The following PALS2 variants were observed in gnomAD, a reference collection of about 807,000 sequenced individuals.
PALS2 encodes the protein protein PALS2.
A neutral mutation model predicts 61.6 loss-of-function variants in PALS2; 27 were observed. The observed-to-expected ratio is 0.44, with a 90% CI of 0.32 to 0.60. The LOEUF (loss-of-function observed/expected upper bound fraction) is 0.60. Ranked by LOEUF, PALS2 falls within the 20% of genes least tolerant of loss-of-function variation. The pLI, the probability that PALS2 is intolerant of heterozygous loss-of-function variation, is 0.05. For synonymous variants in PALS2, 236 were observed against 218.6 expected (o/e 1.08, Z -0.70); for missense variants, 554 against 639.4 (o/e 0.87, Z 1.44).
At chr7:24,583,909 G>A (rs1373568737) in intron 1 of PALS2, among the ~76,000 whole-genome samples, 1 of 151,604 alleles carries the variant, frequency 6.6e-6, no homozygotes, top group East Asian at 1.9e-4. Context: ...AGAATATGCG[G>A]TGTTTGGTTT....
chr7:24,617,569 A>G (rs1426408422), intron 1 of PALS2, among the ~76,000 whole-genome samples: 1 of 152,148 alleles, frequency 6.6e-6, no homozygotes, highest in Non-Finnish European at 1.5e-5. Flanking sequence ...GGGTGCATTC[A>G]CTTTGTTTTT....
chr7:24,671,692 T>TC (rs1195643099), intron 9 of PALS2, among the ~76,000 whole-genome samples: 1 of 152,176 alleles, frequency 6.6e-6, no homozygotes, highest in African/African-American at 2.4e-5. Context: ...GATTATATGA[T>TC]CAATTTTGTG....
At chr7:24,637,385 TC>T (rs1785290527) in intron 2 of PALS2, among the ~76,000 whole-genome samples, 1 of 151,354 alleles carries the variant, frequency 6.6e-6, no homozygotes, top group East Asian at 1.9e-4. Flanking sequence ...CTCCATTCTC[TC>T]TGTCTCATTT....
At chr7:24,674,085 A>G (rs990471128) in intron 9 of PALS2, among the ~76,000 whole-genome samples, 3 of 152,134 alleles carry the variant, frequency 2.0e-5, no homozygotes, top group African/African-American at 4.8e-5. Context: ...CGAATATGCA[A>G]CTATGCAACA....
At chr7:24,577,418 G>A (rs1782679845) in intron 1 of PALS2, among the ~76,000 whole-genome samples, 1 of 151,656 alleles carries the variant, frequency 6.6e-6, no homozygotes, top group Admixed American at 6.6e-5. Flanking sequence ...CTGATACAAG[G>A]CAAAATGAGA....
At chr7:24,591,821 A>G (rs1273781963) in intron 1 of PALS2, among the ~76,000 whole-genome samples, 1 of 152,096 alleles carries the variant, frequency 6.6e-6, no homozygotes, top group Non-Finnish European at 1.5e-5. Context: ...CATTGTACTC[A>G]TAGCCAAGCT....
chr7:24,657,824 T>C (rs1786500650), intron 5 of PALS2, among the ~76,000 whole-genome samples: 1 of 152,230 alleles, frequency 6.6e-6, no homozygotes, highest in African/African-American at 2.4e-5. Flanking sequence ...TTTACAGTTC[T>C]ATCTATGCTG....
At chr7:24,630,720 T>C (rs1469761343) in intron 2 of PALS2, among the ~76,000 whole-genome samples, 1 of 152,152 alleles carries the variant, frequency 6.6e-6, no homozygotes, top group Non-Finnish European at 1.5e-5. Context: ...TGGAAGCCAA[T>C]GCTCATTTAC....
chr7:24,684,916 T>A (rs2128036379), intron 11 of PALS2, among the ~76,000 whole-genome samples: 1 of 152,290 alleles, frequency 6.6e-6, no homozygotes, highest in South Asian at 2.1e-4. Flanking sequence ...AGGCTTTTAT[T>A]GTTCTTAGGA....
intron 9 of PALS2, among the ~76,000 whole-genome samples, chr7:24,674,978 G>A (rs1787486834): frequency 6.6e-6 from 1 of 152,138 alleles, no homozygotes; most frequent in Non-Finnish European, 1.5e-5. Flanking sequence ...ATCACATTAT[G>A]TAGTTGCGCA....
intron 1 of PALS2, among the ~76,000 whole-genome samples, chr7:24,594,076 T>C (rs1012439243): frequency 1.3e-5 from 2 of 152,166 alleles, no homozygotes; most frequent in African/African-American, 4.8e-5. Flanking sequence ...GGGTAACTTC[T>C]TGCAGCTTCT....
At chr7:24,595,408 A>G (rs571665109) in intron 1 of PALS2, among the ~76,000 whole-genome samples, 1 of 142,156 alleles carries the variant, frequency 7.0e-6, no homozygotes, top group Non-Finnish European at 1.5e-5. Flanking sequence ...ATATATAAAA[A>G]ATATATATAA....
At position 24,688,747 on chromosome 7, in the gene PALS2, G is replaced by T. The variant is rs1335330805; in HGVS notation, c.*1133G>T. The stretch of plus-strand genomic sequence containing the variant: ...ATACATTATATAATATGTATATTAT[G>T]TATTATATAATATATATAAAATGTT... On this transcript the variant is annotated 3_prime_UTR_variant, in exon 12 of 12. Transcript: ENST00000222644. The T allele has an allele frequency of 2.0e-5, 3 of 148,892 alleles. No homozygotes were observed. The highest frequency in any genetic ancestry group is 4.4e-5 in the Non-Finnish European group (3 of 67,416). 9.2% of individuals were successfully genotyped at this position (148,892 alleles called of 1,614,324 possible).
intron 5 of PALS2, among the ~76,000 whole-genome samples, chr7:24,659,087 A>G (rs533491290): frequency 3.3e-4 from 50 of 152,312 alleles, no homozygotes; most frequent in Admixed American, 2.8e-3. Flanking sequence ...CCCACTTACA[A>G]GTGAGAACAT....
intron 1 of PALS2, chr7:24,620,145 C>T (rs894334099): frequency 2.6e-5 from 4 of 152,164 alleles, no homozygotes; most frequent in Non-Finnish European, 5.9e-5. Flanking sequence ...ACAGCCATTT[C>T]CATTTTAAGC....
At position 24,690,248 on chromosome 7, in the gene PALS2, C is replaced by T. The variant is rs1788405658; in HGVS notation, c.*2634C>T. 1 of 152,180 alleles carries T rather than the reference C, an allele frequency of 6.6e-6. No homozygotes were observed. Among genetic ancestry groups the T allele is most frequent in the Non-Finnish European group, 1.5e-5 (1 of 68,038 alleles). 9.4% of individuals were successfully genotyped at this position (152,180 alleles called of 1,614,324 possible). Reference sequence around the variant, plus strand: ...TCCCAAATGAATCTGCAGGAATGAGCAGTGCTCTGCGGGGGCAAACAGCCC... The same window carrying T: ...TCCCAAATGAATCTGCAGGAATGAGTAGTGCTCTGCGGGGGCAAACAGCCC... On this transcript the variant is annotated 3_prime_UTR_variant, in exon 12 of 12. Coordinates refer to ENST00000222644, the MANE Select transcript of PALS2 (RefSeq NM_001303037.2).
intron 3 of PALS2, among the ~76,000 whole-genome samples, chr7:24,642,436 C>T (rs1352355466): frequency 1.3e-5 from 2 of 151,940 alleles, no homozygotes; most frequent in African/African-American, 2.4e-5. Flanking sequence ...TTCTTGTAAA[C>T]GTATAATAAT....
chr7:24,651,887 CTG>C (rs1471738023), intron 5 of PALS2, among the ~76,000 whole-genome samples: 1 of 152,098 alleles, frequency 6.6e-6, no homozygotes, highest in Admixed American at 6.6e-5. Flanking sequence ...CTATTTTAAA[CTG>C]TTCTTTCAAA....
chr7:24,664,218 C>G (rs1786898399), intron 6 of PALS2, among the ~76,000 whole-genome samples: 1 of 152,112 alleles, frequency 6.6e-6, no homozygotes, highest in Non-Finnish European at 1.5e-5. Flanking sequence ...TTCACTCTAT[C>G]AGTTTTGTTT....
Sources: allele counts gnomAD v4.1 joint callset (sites outside exome capture counted in the v4.1 genomes callset), GRCh38; gene constraint gnomAD v4.1.1; transcripts MANE v1.5; gene names NCBI Gene and HGNC (gene_info 2026-07-23, HGNC 2026-07-21).